The following MCCC2 variants were observed in gnomAD, a reference collection of about 807,000 sequenced individuals.
MCCC2 encodes the protein methylcrotonyl-CoA carboxylase subunit 2.
MCCC2 carries 52 observed loss-of-function variants against 77.2 expected under a neutral mutation model. The observed-to-expected ratio is 0.67, with a 90% CI of 0.54 to 0.85. The LOEUF is 0.85. Ranked by LOEUF, MCCC2 falls within the 40% of genes least tolerant of loss-of-function variation. MCCC2 has a pLI of 0.00. For missense variants in MCCC2, 682 were observed against 703.2 expected (o/e 0.97, Z 0.34); for synonymous variants, 253 against 248.4 (o/e 1.02, Z -0.18).
intron 16 of MCCC2, among the ~76,000 whole-genome samples, chr5:71,653,712 G>A (rs867110577): frequency 1.3e-5 from 2 of 152,050 alleles, no homozygotes; most frequent in East Asian, 1.9e-4. Flanking sequence ...TTAGCCAGGC[G>A]TGATGGTGTG....
intron 6 of MCCC2, among the ~76,000 whole-genome samples, chr5:71,605,928 A>G (rs535816814): frequency 6.6e-6 from 1 of 152,098 alleles, no homozygotes; most frequent in South Asian, 2.1e-4. Flanking sequence ...TGTTCCATTG[A>G]TCTATATCTC....
At position 71,656,950 on chromosome 5, in the gene MCCC2, G is replaced by A. The variant is rs1283507001; in HGVS notation, c.*90G>A. On this transcript the variant is annotated 3_prime_UTR_variant, in exon 17 of 17. Transcript: ENST00000340941. ...TTTTAGACTTCTCGAACATGAGGCT[G>A]TTACAGTAATTTTTTTAACACTGTG... 9.3e-6 allele frequency: 9 copies of A among 970,618 alleles called. No homozygotes were observed. In the Admixed American group the frequency reaches 1.2e-4, roughly 13 times the overall value. 60.1% of individuals were successfully genotyped at this position (970,618 alleles called of 1,614,324 possible). A position where few individuals can be genotyped will look rare whatever the true frequency, so the allele number is the denominator to read the frequency against.
intron 10 of MCCC2, among the ~76,000 whole-genome samples, chr5:71,640,382 ATTTTT>A (rs60843078): frequency 1.8e-5 from 2 of 109,130 alleles, no homozygotes; most frequent in African/African-American, 3.4e-5. Flanking sequence ...CACTTTTTAC[ATTTTT>A]TTTTTTTTTT....
At chr5:71,630,154 G>A (rs1430864119) in intron 7 of MCCC2, among the ~76,000 whole-genome samples, 2 of 152,210 alleles carry the variant, frequency 1.3e-5, no homozygotes, top group African/African-American at 4.8e-5. Flanking sequence ...GAAAAAGGCA[G>A]TAGCAGCAGC....
chr5:71,649,257 G>A lies in MCCC2; in HGVS notation c.1373+4G>A. ...GGATGTGTGGCAGAGCATATAGGTA[G>A]GTGTCATGATTTTCTCTGAAACAAA... On this transcript the variant is annotated splice_donor_region_variant and intron_variant, in intron 14 of 16. Transcript: ENST00000340941. The A allele has an allele frequency of 6.2e-7, 1 of 1,613,178 alleles. No homozygotes were observed. Among genetic ancestry groups the A allele is most frequent in the African/African-American group, 1.3e-5 (1 of 75,038 alleles).
rs760881963 is a variant in MCCC2, at chr5:71,592,971, C to T, written c.175C>T (p.Arg59Ter). The part of the protein sequence containing the change: ...MKALVNQLHE[R>*]VEHIKLGGGE... ...AGCACTAGTAAATCAGCTCCATGAA[C>T]GAGTGGAGCATATAAAACTAGGTAA... Residue 59 changes from arginine (R) to a stop codon, truncating the protein, a stop_gained, in exon 2 of 17, where the codon CGA becomes TGA. Coordinates refer to ENST00000340941, the MANE Select transcript of MCCC2 (RefSeq NM_022132.5). LOFTEE classifies it high-confidence loss of function. The T allele has an allele frequency of 1.6e-5, 25 of 1,612,682 alleles. No homozygotes were observed. The highest frequency in any genetic ancestry group is 5.0e-5 in the Admixed American group (3 of 59,878).
intron 4 of MCCC2, among the ~76,000 whole-genome samples, chr5:71,600,286 A>G (rs1340019940): frequency 6.6e-6 from 1 of 152,232 alleles, no homozygotes; most frequent in Admixed American, 6.5e-5. Flanking sequence ...CAGTCATTTA[A>G]TAGGTATAAA....
intron 15 of MCCC2, among the ~76,000 whole-genome samples, chr5:71,651,721 A>G (rs1747443397): frequency 1.3e-5 from 2 of 152,180 alleles, no homozygotes; most frequent in South Asian, 4.1e-4. Context: ...AGTACCTACT[A>G]GTATCAAAGG....
At chr5:71,600,165 A>G (rs1405353082) in intron 4 of MCCC2, among the ~76,000 whole-genome samples, 2 of 151,730 alleles carry the variant, frequency 1.3e-5, no homozygotes, top group Non-Finnish European at 2.9e-5. Context: ...CTCCGTCTCA[A>G]AAAAAAAACA....
At chr5:71,643,795 A>C in intron 11 of MCCC2, 24 bp from the exon 12 acceptor site, 1 of 1,614,052 alleles carries the variant, frequency 6.2e-7, no homozygotes, top group Non-Finnish European at 8.5e-7. Flanking sequence ...CAAGACATAA[A>C]TCTTCTTTGA....
chr5:71,596,233 T>A, intron 2 of MCCC2, 47 bp from the exon 3 acceptor site: 1 of 1,546,970 alleles, frequency 6.5e-7, no homozygotes, highest in Non-Finnish European at 8.9e-7. Context: ...CATTGAGACC[T>A]TTTTATCGTG....
intron 16 of MCCC2, among the ~76,000 whole-genome samples, 169 bp from the exon 17 acceptor site, chr5:71,656,574 C>T (rs758238635): frequency 2.6e-5 from 4 of 152,100 alleles, no homozygotes; most frequent in Non-Finnish European, 5.9e-5. Flanking sequence ...CCACGTTTTC[C>T]CCCTCTGTCT....
chr5:71,629,766 A>G (rs964775955), intron 7 of MCCC2, among the ~76,000 whole-genome samples: 1 of 150,662 alleles, frequency 6.6e-6, no homozygotes, highest in Non-Finnish European at 1.5e-5. Flanking sequence ...TATTATTACT[A>G]TTATTATTTT....
chr5:71,615,983 G>A (rs2112379134), intron 6 of MCCC2, among the ~76,000 whole-genome samples: 1 of 152,308 alleles, frequency 6.6e-6, no homozygotes, highest in Non-Finnish European at 1.5e-5. Context: ...CAGGGAGGGA[G>A]AGGGGCTGGG....
chr5:71,644,775 T>C (rs1448999721), intron 12 of MCCC2, among the ~76,000 whole-genome samples: 3 of 152,134 alleles, frequency 2.0e-5, no homozygotes, highest in Non-Finnish European at 2.9e-5. Flanking sequence ...CATACCCTAA[T>C]TGAGGAAGAA....
chr5:71,627,989 G>A (rs1405385514), intron 7 of MCCC2, among the ~76,000 whole-genome samples: 2 of 151,996 alleles, frequency 1.3e-5, no homozygotes, highest in African/African-American at 2.4e-5. Flanking sequence ...GATTACAGGT[G>A]CACGCCACCA....
chr5:71,587,538 G>T lies in MCCC2; in HGVS notation c.113G>T (p.Gly38Val). The T allele has an allele frequency of 6.5e-7, 1 of 1,537,924 alleles. No individual in the cohort carries two copies. The change falls in exon 1 of 17, where the codon GGC becomes GTC. Residue 38 changes from glycine to valine, a missense_variant. Gly to Val is a moderately radical substitution (Grantham distance 109). Coordinates refer to ENST00000340941, the MANE Select transcript of MCCC2 (RefSeq NM_022132.5). ...TCGCTGGGCACCCAGCCGGACTTGG[G>T]CTCTGCCCTCTACCAGGTAGGCTGA... is the stretch of plus-strand genomic sequence containing the variant. ...VASLGTQPDL[G>V]SALYQENYKQ...
chr5:71,602,556 A>G lies in MCCC2; in HGVS notation c.434A>G (p.Tyr145Cys). Residue 145 changes from tyrosine (Y) to cysteine (C), a missense_variant, in exon 5 of 17, where the codon TAC (tyrosine) becomes TGC (cysteine). Coordinates refer to ENST00000340941, the MANE Select transcript of MCCC2 (RefSeq NM_022132.5). Reference protein sequence around the residue: ...ANDATVKGGAYYPVTVKKQLR... With the variant: ...ANDATVKGGACYPVTVKKQLR... ...GATGCCACCGTCAAAGGAGGTGCCTACTACCCAGTGACTGTGAAAAAACAA... is the reference window on the plus strand; with the variant it reads ...GATGCCACCGTCAAAGGAGGTGCCTGCTACCCAGTGACTGTGAAAAAACAA... 1 of 1,614,178 alleles carries G rather than the reference A, an allele frequency of 6.2e-7. No homozygotes were observed. Among genetic ancestry groups the G allele is most frequent in the Non-Finnish European group, 8.5e-7 (1 of 1,180,020 alleles).
intron 12 of MCCC2, among the ~76,000 whole-genome samples, chr5:71,645,287 C>G (rs1029328163): frequency 6.6e-6 from 1 of 152,120 alleles, no homozygotes; most frequent in Non-Finnish European, 1.5e-5. Flanking sequence ...TGAAGTCGAG[C>G]AATTACTTTG....
Sources: gnomAD v4.1 joint callset for allele counts (sites outside exome capture counted in the v4.1 genomes callset) on GRCh38, gnomAD v4.1.1 for gene constraint, MANE v1.5 for transcripts, NCBI Gene and HGNC (gene_info 2026-07-23, HGNC 2026-07-21) for gene names.